Variants in RPSA2 observed in about 807,000 individuals in gnomAD.
RPSA2 encodes the protein ribosomal protein SA 2.
At chr19:23,830,757 T>C in the RPSA2 span, among the ~76,000 whole-genome samples, 1 of 152,174 alleles carries the variant, frequency 6.6e-6, no homozygotes, top group African/African-American at 2.4e-5. Flanking sequence ...AAAAGTAATT[T>C]ATACCTCTGA....
chr19:23,829,886 A>G, the RPSA2 span, among the ~76,000 whole-genome samples: 1 of 152,152 alleles, frequency 6.6e-6, no homozygotes, highest in Non-Finnish European at 1.5e-5. Flanking sequence ...AAATTCTACA[A>G]AGTGAATTTG....
chr19:23,837,642 G>A, the RPSA2 span, among the ~76,000 whole-genome samples: 7 of 151,918 alleles, frequency 4.6e-5, no homozygotes, highest in South Asian at 2.1e-4. Context: ...TTCTTTCAGC[G>A]GTGTTTTGTA....
chr19:23,815,258 A>G, the RPSA2 span, among the ~76,000 whole-genome samples: 5 of 152,208 alleles, frequency 3.3e-5, no homozygotes, highest in African/African-American at 1.2e-4. Flanking sequence ...CTCATGTGTT[A>G]AACCTAGTTG....
chr19:23,824,232 A>G, the RPSA2 span, among the ~76,000 whole-genome samples: 2 of 152,170 alleles, frequency 1.3e-5, no homozygotes, highest in Non-Finnish European at 2.9e-5. Context: ...ACAGGAAGTT[A>G]ACAAACTAAA....
At chr19:23,807,380 AAAT>A in the RPSA2 span, among the ~76,000 whole-genome samples, 2 of 152,204 alleles carry the variant, frequency 1.3e-5, no homozygotes, top group Admixed American at 6.5e-5. Context: ...TCTCCTGAAA[AAAT>A]AATCTGCATT....
At chr19:23,769,610 C>T in the RPSA2 span, among the ~76,000 whole-genome samples, 1 of 152,188 alleles carries the variant, frequency 6.6e-6, no homozygotes, top group East Asian at 1.9e-4. Context: ...TCCCAAAGTG[C>T]TGGGATTACA....
chr19:23,783,089 T>TTTAA, the RPSA2 span, among the ~76,000 whole-genome samples: 147,062 of 150,414 alleles, frequency 0.98, 71,989 homozygotes, highest in Middle Eastern at 1. Flanking sequence ...ATGTATTTCT[T>TTTAA]TTAATTAATT....
At chr19:23,869,173 C>G in the RPSA2 span, among the ~76,000 whole-genome samples, 1 of 152,102 alleles carries the variant, frequency 6.6e-6, no homozygotes, top group Non-Finnish European at 1.5e-5. Context: ...AGCATGGGCT[C>G]CAGGACCCCT....
At chr19:23,851,851 A>G in the RPSA2 span, among the ~76,000 whole-genome samples, 1 of 152,228 alleles carries the variant, frequency 6.6e-6, no homozygotes, top group Non-Finnish European at 1.5e-5. Context: ...ATGATTGTCA[A>G]TAACGCTGAT....
chr19:23,865,960 G>T, the RPSA2 span, among the ~76,000 whole-genome samples: 427 of 152,312 alleles, frequency 2.8e-3, 1 homozygote, highest in Middle Eastern at 6.8e-3. Context: ...GCTTGCACTT[G>T]CTTATCCACC....
chr19:23,824,841 C>T, the RPSA2 span, among the ~76,000 whole-genome samples: 1 of 144,250 alleles, frequency 6.9e-6, no homozygotes, highest in Non-Finnish European at 1.5e-5. Context: ...TTTTTTATTA[C>T]ATCAAAATTT....
At chr19:23,859,511 C>T in the RPSA2 span, among the ~76,000 whole-genome samples, 3 of 152,142 alleles carry the variant, frequency 2.0e-5, no homozygotes, top group Admixed American at 2.0e-4. Context: ...CCTGTAATCC[C>T]AGCAACCCAG....
chr19:23,817,213 C>T, the RPSA2 span, among the ~76,000 whole-genome samples: 1 of 152,212 alleles, frequency 6.6e-6, no homozygotes, highest in South Asian at 2.1e-4. Flanking sequence ...GAAACCCTGT[C>T]TCTACTAAAT....
At chr19:23,817,760 C>T in the RPSA2 span, 1 of 152,194 alleles carries the variant, frequency 6.6e-6, no homozygotes. Context: ...AGAAGCAGAA[C>T]AGAGGCAGTT....
the RPSA2 span, among the ~76,000 whole-genome samples, chr19:23,852,862 A>G: frequency 6.6e-6 from 1 of 152,228 alleles, no homozygotes; most frequent in Admixed American, 6.5e-5. Context: ...GAGGTTGAAT[A>G]CATTCTTTAT....
chr19:23,810,502 T>G, the RPSA2 span, among the ~76,000 whole-genome samples: 19 of 144,104 alleles, frequency 1.3e-4, no homozygotes, highest in Non-Finnish European at 2.6e-4. Context: ...CTTTGCTGTG[T>G]ATTGCAGACC....
chr19:23,768,501 A>G, the RPSA2 span, among the ~76,000 whole-genome samples: 1 of 143,168 alleles, frequency 7.0e-6, no homozygotes, highest in African/African-American at 2.6e-5. Context: ...ATGTTCACAT[A>G]TGGTTGTTTA....
At chr19:23,827,557 G>T in the RPSA2 span, 3 of 1,595,350 alleles carry the variant, frequency 1.9e-6, no homozygotes, top group Middle Eastern at 2.1e-4. Context: ...CTGACCACCA[G>T]CCTCTCACGG....
the RPSA2 span, among the ~76,000 whole-genome samples, chr19:23,795,924 C>T: frequency 6.6e-6 from 1 of 152,090 alleles, no homozygotes; most frequent in Non-Finnish European, 1.5e-5. Context: ...ACAGGCACCC[C>T]TGGCTAATTT....
Sources: gnomAD v4.1 joint callset for allele counts (sites outside exome capture counted in the v4.1 genomes callset) on GRCh38, gnomAD v4.1.1 for gene constraint, MANE v1.5 for transcripts, NCBI Gene and HGNC (gene_info 2026-07-23, HGNC 2026-07-21) for gene names.